Variants in RTL9 observed in about 807,000 individuals in gnomAD.
RTL9 encodes the protein retrotransposon Gag like 9, also known as retrotransposon Gag-like protein 9.
In RTL9, 19 loss-of-function variants were observed where a neutral mutation model predicts 44.7. The ratio of observed to expected loss-of-function variants is 0.42; its 90% CI spans 0.30 to 0.62. RTL9 has a LOEUF of 0.62. Ranked by LOEUF, RTL9 falls within the 20% of genes least tolerant of loss-of-function variation. RTL9 has a pLI of 0.16. For synonymous variants in RTL9, 407 were observed against 398.9 expected, an observed-to-expected ratio of 1.02 and a Z score of -0.24; for missense variants, 1,105 against 1,080.6, an observed-to-expected ratio of 1.02 and a Z score of -0.32.
At chrX:110,394,397 G>A (rs1277421438) in intron 1 of RTL9, among the ~76,000 whole-genome samples, 1 of 111,396 alleles carries the variant, frequency 9.0e-6, no homozygotes, top group Non-Finnish European at 1.9e-5. Context: ...GACTACAGAC[G>A]TGTGCCACCA....
At chrX:110,404,706 G>A (rs757742918) in intron 1 of RTL9, among the ~76,000 whole-genome samples, 1 of 111,328 alleles carries the variant, frequency 9.0e-6, no homozygotes, top group East Asian at 2.8e-4. Context: ...GTTGCTAAAG[G>A]CCATTTCTGA....
At chrX:110,453,231 T>G (rs1185890528) in exon 1 of RTL9, 7 of 1,210,401 alleles carry the variant, frequency 5.8e-6, no homozygotes, top group Non-Finnish European at 7.8e-6. Context: ...TAGAGTGACA[T>G]CCACATCACA....
At chrX:110,416,317 G>A (rs2068677148), upstream of RTL9, among the ~76,000 whole-genome samples, 1 of 112,210 alleles carries the variant, frequency 8.9e-6, no homozygotes. Context: ...AGGGACAGAG[G>A]TATGTATTTA....
In RTL9 at chrX:110,453,123, C is replaced by T; in HGVS notation, c.2506C>T (p.Gln836Ter). Residue 836 changes from glutamine (Q) to a stop codon, truncating the protein, a stop_gained, in exon 1 of 2, where the codon CAA becomes TAA. Transcript: ENST00000540313. LOFTEE classifies it high-confidence loss of function. ...CTCTGGAATGATGTCATCCATGCCA[C>T]AAGTGAAGGCTCCCATCTCTGGAGC... 1.7e-6 allele frequency: 2 copies of T among 1,211,560 alleles called. No homozygotes were observed. The highest frequency in any genetic ancestry group is 2.2e-6 in the Non-Finnish European group (2 of 895,390).
upstream of RTL9, among the ~76,000 whole-genome samples, chrX:110,447,369 G>A (rs1161888173): frequency 9.1e-6 from 1 of 109,378 alleles, no homozygotes; most frequent in East Asian, 2.8e-4. Context: ...TATGGGAAGA[G>A]TTCAAGCAAT....
intron 1 of RTL9, among the ~76,000 whole-genome samples, chrX:110,399,822 A>G (rs996020312): frequency 1.8e-5 from 2 of 112,062 alleles, no homozygotes; most frequent in African/African-American, 3.2e-5. Flanking sequence ...AGGGAGTTCT[A>G]TGGAGTTCGA....
chrX:110,435,319 G>A (rs2068830703), intron 1 of RTL9, among the ~76,000 whole-genome samples: 1 of 111,798 alleles, frequency 8.9e-6, no homozygotes, highest in Non-Finnish European at 1.9e-5. Context: ...ACAGCTGTGG[G>A]TTTGGGGCAG....
At chrX:110,428,054 T>C (rs894466360) in intron 1 of RTL9, among the ~76,000 whole-genome samples, 2 of 112,410 alleles carry the variant, frequency 1.8e-5, no homozygotes, top group African/African-American at 6.5e-5. Flanking sequence ...TCTCTTGTTC[T>C]TCTCTGGTTA....
intron 1 of RTL9, among the ~76,000 whole-genome samples, chrX:110,421,774 G>A (rs770241450): frequency 1.8e-5 from 2 of 112,755 alleles, no homozygotes; most frequent in Non-Finnish European, 3.8e-5. Flanking sequence ...GCAGACACCT[G>A]TTCATCCCTC....
chrX:110,370,088 A>G (rs947186785), intron 1 of RTL9, among the ~76,000 whole-genome samples: 1 of 111,909 alleles, frequency 8.9e-6, no homozygotes, highest in Non-Finnish European at 1.9e-5. Flanking sequence ...CACTGTTTGG[A>G]GCAGTTCTGT....
rs776104816 is a variant in RTL9, at chrX:110,453,633, A to G, written c.3016A>G (p.Thr1006Ala). 9.9e-6 allele frequency: 12 copies of G among 1,210,697 alleles called. No homozygotes were observed. In the East Asian group the frequency reaches 3.6e-4, roughly 36 times the overall value. ...CTCTAGATCTATGTCCTTGTCACAA[A>G]CAACATATACCGTGTCTGGAAGGAT... Residue 1006 changes from threonine (T) to alanine (A), a missense_variant, in exon 1 of 2, where the codon ACA (threonine) becomes GCA (alanine). Thr to Ala is a moderately conservative substitution (Grantham distance 58). Transcript: ENST00000540313.
At chrX:110,448,710 G>A (rs1264857742), upstream of RTL9, among the ~76,000 whole-genome samples, 7 of 108,363 alleles carry the variant, frequency 6.5e-5, no homozygotes, top group Non-Finnish European at 1.1e-4. Flanking sequence ...GCAGGGGGGC[G>A]TGGCAGGGGA....
At chrX:110,363,463 C>A (rs913345679) in intron 1 of RTL9, among the ~76,000 whole-genome samples, 12 of 111,730 alleles carry the variant, frequency 1.1e-4, no homozygotes, top group Non-Finnish European at 2.3e-4. Flanking sequence ...CCCTATGTGT[C>A]ATTAAGGAGT....
At chrX:110,450,500 C>A, upstream of RTL9, 2 of 617,490 alleles carry the variant, frequency 3.2e-6, no homozygotes, top group Non-Finnish European at 5.1e-6. Context: ...CCACCATGAA[C>A]AATTTGTCTG....
At chrX:110,432,712 A>G (rs985608045) in intron 1 of RTL9, among the ~76,000 whole-genome samples, 3 of 112,126 alleles carry the variant, frequency 2.7e-5, no homozygotes, top group African/African-American at 9.7e-5. Context: ...GCAGGAGGAC[A>G]ACAAATATAG....
intron 1 of RTL9, among the ~76,000 whole-genome samples, chrX:110,442,245 C>CTCTCTT (rs1556214106): frequency 6.9e-5 from 7 of 100,785 alleles, no homozygotes; most frequent in African/African-American, 2.7e-4. Context: ...CTCTCTCTCT[C>CTCTCTT]TCTGTGTGTG....
chrX:110,453,834 C>T, exon 1 of RTL9: 1 of 1,211,706 alleles, frequency 8.3e-7, no homozygotes, highest in Non-Finnish European at 1.1e-6. Context: ...GTCCACACCA[C>T]TAATGAGGGC....
chrX:110,417,873 GA>G (rs771232252), upstream of RTL9, among the ~76,000 whole-genome samples: 13 of 112,649 alleles, frequency 1.2e-4, no homozygotes, highest in East Asian at 2.2e-3. Context: ...GTAGCCTTGG[GA>G]AGTGATGGAG....
At chrX:110,453,312 T>A (rs756058972) in exon 1 of RTL9, 3 of 1,210,399 alleles carry the variant, frequency 2.5e-6, no homozygotes, top group Non-Finnish European at 3.4e-6. Flanking sequence ...AGGGGTGTCC[T>A]CACCACTAGT....
Sources: allele counts gnomAD v4.1 joint callset (sites outside exome capture counted in the v4.1 genomes callset), GRCh38; gene constraint gnomAD v4.1.1; transcripts MANE v1.5; gene names NCBI Gene and HGNC (gene_info 2026-07-23, HGNC 2026-07-21).